The following MKLN1 variants were observed in gnomAD, a reference collection of about 807,000 sequenced individuals.
MKLN1 encodes muskelin.
MKLN1 carries 18 observed loss-of-function variants against 99.0 expected under a neutral mutation model. The ratio of observed to expected loss-of-function variants is 0.18; its 90% CI spans 0.13 to 0.27. The LOEUF (loss-of-function observed/expected upper bound fraction) is 0.27. MKLN1 is among the 10% of genes least tolerant of loss of function. MKLN1 has a pLI of 1.00. For missense variants in MKLN1, 621 were observed against 875.9 expected (o/e 0.71, Z 3.67); for synonymous variants, 288 against 293.2 (o/e 0.98, Z 0.18).
intron 3 of MKLN1, among the ~76,000 whole-genome samples, chr7:131,299,906 T>C (rs896694785): frequency 2.0e-4 from 30 of 152,300 alleles, no homozygotes; most frequent in African/African-American, 7.0e-4. Flanking sequence ...ATGTCTTTTG[T>C]TTCCAAAGTC....
At chr7:131,437,719 A>C (rs1200635165) in intron 9 of MKLN1, 66 bp from the exon 10 acceptor site, 17 of 1,234,116 alleles carry the variant, frequency 1.4e-5, no homozygotes, top group Non-Finnish European at 2.0e-5. Flanking sequence ...TTTTTCTATT[A>C]TTTGTTCTTT....
intron 3 of MKLN1, among the ~76,000 whole-genome samples, chr7:131,307,443 T>C (rs1044824051): frequency 9.9e-5 from 15 of 152,088 alleles, no homozygotes; most frequent in African/African-American, 3.1e-4. Flanking sequence ...CAAGAGGTTG[T>C]ACTGTGCACC....
chr7:131,428,210 A>G (rs774113685), intron 8 of MKLN1, among the ~76,000 whole-genome samples: 1 of 152,140 alleles, frequency 6.6e-6, no homozygotes, highest in African/African-American at 2.4e-5. Flanking sequence ...AGGATCTATG[A>G]TACACAATGT....
intron 2 of MKLN1, among the ~76,000 whole-genome samples, chr7:131,146,360 A>G (rs1306330993): frequency 6.6e-6 from 1 of 152,216 alleles, no homozygotes; most frequent in Non-Finnish European, 1.5e-5. Flanking sequence ...GTAAATAAAA[A>G]TAAAAGTAAA....
intron 3 of MKLN1, among the ~76,000 whole-genome samples, chr7:131,204,989 T>C (rs1300407527): frequency 2.0e-5 from 3 of 150,850 alleles, no homozygotes; most frequent in African/African-American, 7.3e-5. Flanking sequence ...CCCTAGCTAC[T>C]TGGGAGGCTG....
intron 1 of MKLN1, among the ~76,000 whole-genome samples, chr7:131,111,245 C>G (rs997563622): frequency 3.3e-5 from 5 of 152,206 alleles, no homozygotes; most frequent in African/African-American, 1.2e-4. Context: ...TCCTGCTGCT[C>G]TCTAATCACC....
intron 3 of MKLN1, among the ~76,000 whole-genome samples, chr7:131,288,821 A>T (rs532295307): frequency 6.6e-6 from 1 of 151,952 alleles, no homozygotes; most frequent in Admixed American, 6.6e-5. Flanking sequence ...CTGCCACATG[A>T]CCTCAGCTTT....
intron 3 of MKLN1, among the ~76,000 whole-genome samples, chr7:131,261,079 C>T (rs1797725646): frequency 6.6e-6 from 1 of 152,146 alleles, no homozygotes; most frequent in Admixed American, 6.5e-5. Context: ...TGGACATAGG[C>T]CCTGGCAAAA....
chr7:131,376,318 A>G (rs1793662117), intron 2 of MKLN1, among the ~76,000 whole-genome samples: 1 of 147,444 alleles, frequency 6.8e-6, no homozygotes, highest in Admixed American at 6.9e-5. Flanking sequence ...TAGCCTGGGC[A>G]ACACAGAAAC....
chr7:131,164,708 G>T lies in MKLN1; in HGVS notation c.-297+21767G>T, dbSNP rs761272785. ...TCACTCTTCCATAAAATTCCTTAGC[G>T]GTTTCAAATGTCATTCAGATGAGAT... On this transcript the variant is annotated intron_variant, in intron 2 of 7. Transcript: ENST00000416992. Among the ~76,000 whole-genome samples, 17 of 152,050 alleles carry T rather than the reference G, an allele frequency of 1.1e-4. 1 individual carries two copies. The highest frequency in any genetic ancestry group is 9.8e-4 in the Admixed American group (15 of 15,238).
chr7:131,149,276 AT>A (rs1412638095), intron 2 of MKLN1, among the ~76,000 whole-genome samples: 1 of 152,066 alleles, frequency 6.6e-6, no homozygotes, highest in Admixed American at 6.6e-5. Context: ...TGTTGTTCCT[AT>A]TTATTTCTAA....
At position 131,403,910 on chromosome 7, in the gene MKLN1, G is replaced by A. The variant is rs930087170; in HGVS notation, c.703+4477G>A. 5.3e-5 allele frequency among the ~76,000 whole-genome samples: 8 copies of A among 152,216 alleles called. No homozygotes were observed. In the South Asian group the frequency reaches 1.0e-3, roughly 20 times the overall value. ...AGTGAAGAAATTCTGTTGGAAAAACGGCATCCATAGACTTCCTTCAATTTG... is the reference window on the plus strand; with the variant it reads ...AGTGAAGAAATTCTGTTGGAAAAACAGCATCCATAGACTTCCTTCAATTTG... On this transcript the variant is annotated intron_variant, in intron 6 of 17. Coordinates refer to ENST00000352689, the MANE Select transcript of MKLN1 (RefSeq NM_013255.5).
rs1797403876 is a variant in MKLN1, at chr7:131,490,746, A to C, written c.*3018A>C. Reference sequence around the variant, plus strand: ...TTAGAGCTCAGTGATTTAAGCTTGTAAAACTGCATTCTTGGGCAAAATATT... The same window carrying C: ...TTAGAGCTCAGTGATTTAAGCTTGTCAAACTGCATTCTTGGGCAAAATATT... On this transcript the variant is annotated 3_prime_UTR_variant, in exon 18 of 18. Transcript: ENST00000352689. 1 of 152,630 alleles carries C rather than the reference A, an allele frequency of 6.6e-6. No homozygotes were observed. Among genetic ancestry groups the C allele is most frequent in the South Asian group, 2.1e-4 (1 of 4,836 alleles). 9.5% of individuals were successfully genotyped at this position (152,630 alleles called of 1,614,324 possible).
At chr7:131,478,925 A>G in intron 17 of MKLN1, 1 of 533,190 alleles carries the variant, frequency 1.9e-6, no homozygotes, top group Non-Finnish European at 3.3e-6. Flanking sequence ...TAGCAATAGA[A>G]ACACAGTCAA....
At chr7:131,227,495 C>CTCTCTCTTTCTTTCTT (rs1554539894) in intron 3 of MKLN1, among the ~76,000 whole-genome samples, 11 of 115,788 alleles carry the variant, frequency 9.5e-5, no homozygotes, top group South Asian at 3.0e-4. Context: ...CTCTTTCTTT[C>CTCTCTCTTTCTTTCTT]TCTTTCTTTC....
In MKLN1 at chr7:131,426,971, T is replaced by G. The variant is rs532653656; in HGVS notation, c.848-2062T>G. Among the ~76,000 whole-genome samples, 9 of 152,244 alleles carry G rather than the reference T, an allele frequency of 5.9e-5. No individual in the cohort carries two copies. The East Asian group carries it at 1.5e-3, about 26-fold the overall frequency. ...GATTTCACCATGTTGACCAGGCTGG[T>G]CTCAAACTCCCAATCTCAGATGAGC... On this transcript the variant is annotated intron_variant, in intron 8 of 17. Transcript: ENST00000352689.
chr7:131,348,437 GT>G (rs1799624865), intron 1 of MKLN1, among the ~76,000 whole-genome samples: 1 of 151,816 alleles, frequency 6.6e-6, no homozygotes, highest in Admixed American at 6.6e-5. Flanking sequence ...AGGTACACAA[GT>G]TTTTATAGAG....
intron 3 of MKLN1, among the ~76,000 whole-genome samples, chr7:131,207,435 TG>T (rs1459940080): frequency 6.6e-6 from 1 of 152,018 alleles, no homozygotes; most frequent in Non-Finnish European, 1.5e-5. Flanking sequence ...TGGCCTCAAG[TG>T]ATCCGCCCAC....
At chr7:131,454,175 C>A (rs1177255952) in intron 12 of MKLN1, among the ~76,000 whole-genome samples, 2 of 151,000 alleles carry the variant, frequency 1.3e-5, no homozygotes, top group Non-Finnish European at 1.5e-5. Context: ...TTTTATAGAT[C>A]CACAAAAAAT....
Sources: allele counts gnomAD v4.1 joint callset (sites outside exome capture counted in the v4.1 genomes callset), GRCh38; gene constraint gnomAD v4.1.1; transcripts MANE v1.5; gene names NCBI Gene and HGNC (gene_info 2026-07-23, HGNC 2026-07-21).